Variants in SEMA4D observed in about 807,000 individuals in gnomAD.
The protein encoded by SEMA4D is semaphorin 4D, also known as semaphorin-4D.
SEMA4D carries 22 observed loss-of-function variants against 74.8 expected under a neutral mutation model. The observed-to-expected ratio is 0.29, with a 90% CI of 0.21 to 0.42. The LOEUF (loss-of-function observed/expected upper bound fraction) is 0.42, where lower values mean the gene tolerates loss of function less well. Among genes scored for constraint, SEMA4D ranks in the 10% least tolerant of loss-of-function variants. The pLI is 1.00. For missense variants in SEMA4D, 937 were observed against 1,118.4 expected (o/e 0.84, Z 2.31); for synonymous variants, 445 against 463.7 (o/e 0.96, Z 0.52).
intron 2 of SEMA4D, among the ~76,000 whole-genome samples, chr9:89,444,127 T>C (rs771518269): frequency 6.6e-6 from 1 of 152,170 alleles, no homozygotes; most frequent in African/African-American, 2.4e-5. Context: ...CCTAGACACC[T>C]TGCCTTTTAG....
chr9:89,435,397 C>T (rs762088958), intron 2 of SEMA4D, among the ~76,000 whole-genome samples: 12 of 152,308 alleles, frequency 7.9e-5, no homozygotes, highest in Non-Finnish European at 1.8e-4. Context: ...AAATTCTAGT[C>T]CGAGGACTGG....
intron 2 of SEMA4D, among the ~76,000 whole-genome samples, chr9:89,433,619 C>T (rs1175830869): frequency 2.6e-5 from 4 of 152,188 alleles, no homozygotes; most frequent in Admixed American, 2.0e-4. Context: ...GAGGGACCTC[C>T]CACCCCTGCA....
In SEMA4D at chr9:89,484,438, AGT is replaced by A. The variant is rs1281322206; in HGVS notation, c.-310+13479_-310+13480del. Reference sequence around the variant, plus strand: ...TGGTGTGTGTGGTGTGTATGTGTACAGTGTGTGTTGTGTGTGTTTTGTGTGTG... The same window carrying A: ...TGGTGTGTGTGGTGTGTATGTGTACAGTGTGTTGTGTGTGTTTTGTGTGTG... On this transcript the variant is annotated intron_variant, in intron 1 of 15. Transcript: ENST00000422704. The surrounding 1 kb of genome is among the most constrained non-coding windows in gnomAD (Gnocchi z 4.1). Among the ~76,000 whole-genome samples the A allele has an allele frequency of 2.0e-5, 3 of 147,064 alleles. No homozygotes were observed. Among genetic ancestry groups the A allele is most frequent in the Non-Finnish European group, 4.5e-5 (3 of 66,418 alleles).
chr9:89,428,822 G>C (rs756856143), intron 2 of SEMA4D, among the ~76,000 whole-genome samples: 1 of 152,212 alleles, frequency 6.6e-6, no homozygotes, highest in Non-Finnish European at 1.5e-5. Flanking sequence ...AGGGAAATAC[G>C]CAAGAAAGCA....
At chr9:89,486,466 C>T (rs550228774) in intron 1 of SEMA4D, among the ~76,000 whole-genome samples, 3 of 152,282 alleles carry the variant, frequency 2.0e-5, no homozygotes, top group Admixed American at 6.5e-5. Context: ...CAGAATGGTA[C>T]ATTTAACAGG....
chr9:89,443,912 C>T (rs543333365), intron 2 of SEMA4D, among the ~76,000 whole-genome samples: 3 of 152,268 alleles, frequency 2.0e-5, no homozygotes, highest in East Asian at 1.9e-4. Flanking sequence ...TCCTCAGGGG[C>T]CCAGAGTCAG....
chr9:89,372,191 TGG>T (rs1275458716), intron 16 of SEMA4D, among the ~76,000 whole-genome samples: 8 of 49,464 alleles, frequency 1.6e-4, no homozygotes, highest in Non-Finnish European at 3.6e-5. Flanking sequence ...GTGGTGTGTG[TGG>T]GGGGTGTGGT....
At chr9:89,371,097 TATAAGGTGTGTGTGGG>T (rs1834582047) in intron 16 of SEMA4D, among the ~76,000 whole-genome samples, 2 of 18,566 alleles carry the variant, frequency 1.1e-4, no homozygotes, top group African/African-American at 2.3e-4. Context: ...GTCTGGGGTG[TATAAGGTGTGTGTGGG>T]GGGGTGTGGT....
At chr9:89,485,242 A>G (rs1420644789) in intron 1 of SEMA4D, among the ~76,000 whole-genome samples, 2 of 152,144 alleles carry the variant, frequency 1.3e-5, no homozygotes, top group African/African-American at 4.8e-5. Context: ...CACATGATGT[A>G]TTATGCTGAC....
intron 1 of SEMA4D, among the ~76,000 whole-genome samples, chr9:89,475,157 G>A (rs545757182): frequency 1.3e-5 from 2 of 152,240 alleles, no homozygotes; most frequent in Non-Finnish European, 2.9e-5. Context: ...ACAACCTGGA[G>A]GCCATCCTGG....
chr9:89,453,100 T>C (rs1399124087), intron 2 of SEMA4D, among the ~76,000 whole-genome samples: 1 of 152,168 alleles, frequency 6.6e-6, no homozygotes, highest in East Asian at 1.9e-4. Context: ...TGGAACTGTA[T>C]CTGCTAAAAA....
At chr9:89,454,457 A>C (rs1181830818) in intron 2 of SEMA4D, among the ~76,000 whole-genome samples, 3 of 152,016 alleles carry the variant, frequency 2.0e-5, no homozygotes, top group Non-Finnish European at 4.4e-5. Context: ...TCCACACCAG[A>C]TCTAGCAGGA....
At position 89,381,064 on chromosome 9, in the gene SEMA4D, C is replaced by A. The variant is rs757127850; in HGVS notation, c.1654G>T (p.Val552Leu). 10 of 1,614,026 alleles carry A rather than the reference C, an allele frequency of 6.2e-6. No homozygotes were observed. Among genetic ancestry groups the A allele is most frequent in the Admixed American group, 5.0e-5 (3 of 60,012 alleles). Residue 552 changes from valine to leucine, a missense_variant, in exon 15 of 16, where the codon GTG (valine) becomes TTG (leucine). By Grantham distance (32) the Val-to-Leu change is conservative. Transcript: ENST00000422704. The surrounding 1 kb of genome is among the most constrained non-coding windows in gnomAD (Gnocchi z 4.6). ...LIQEMSGDAS[V>L]CPDKSKGSYR... is the part of the protein sequence containing the mutation. The stretch of plus-strand genomic sequence containing the variant: ...TCGAGGAGTCACTCACCCGGGCACA[C>A]AGAAGCATCGCCGCTCATCTCCTGA...
chr9:89,479,390 T>A (rs1298131088), intron 1 of SEMA4D, among the ~76,000 whole-genome samples: 2 of 152,240 alleles, frequency 1.3e-5, no homozygotes, highest in Non-Finnish European at 2.9e-5. Flanking sequence ...CGATTTGCTC[T>A]GAGTTCTAAC....
intron 2 of SEMA4D, among the ~76,000 whole-genome samples, chr9:89,415,919 T>A (rs545917881): frequency 6.6e-6 from 1 of 152,154 alleles, no homozygotes; most frequent in South Asian, 2.1e-4. Flanking sequence ...GGTGCTTCGG[T>A]CCCCCAGAGC....
chr9:89,469,670 T>C (rs969260536), intron 1 of SEMA4D, among the ~76,000 whole-genome samples: 2 of 152,204 alleles, frequency 1.3e-5, no homozygotes, highest in Non-Finnish European at 2.9e-5. Context: ...CACACAGGCA[T>C]ATCAATTTAT....
At chr9:89,439,507 C>T (rs1171264847) in intron 2 of SEMA4D, among the ~76,000 whole-genome samples, 1 of 152,088 alleles carries the variant, frequency 6.6e-6, no homozygotes, top group Non-Finnish European at 1.5e-5. Flanking sequence ...TTAAGAGAAA[C>T]ACTCAAACTG....
rs1851497551 is a variant in SEMA4D at position 89,440,654 on chromosome 9, T to C, written c.-244+15234A>G. Reference sequence around the variant, plus strand: ...CGGCACCTCGTGCAAGACTTATTCATGTTCCTCTGCAAACATTTCCTAACT... The same window carrying C: ...CGGCACCTCGTGCAAGACTTATTCACGTTCCTCTGCAAACATTTCCTAACT... On this transcript the variant is annotated intron_variant, in intron 2 of 15. Coordinates refer to ENST00000422704, the MANE Select transcript of SEMA4D (RefSeq NM_001371194.2). Among the ~76,000 whole-genome samples, 7 of 152,370 alleles carry C rather than the reference T, an allele frequency of 4.6e-5. No homozygotes were observed. In the South Asian group the frequency reaches 1.4e-3, roughly 32 times the overall value.
At chr9:89,363,235 C>A (rs554256722) in intron 18 of SEMA4D, among the ~76,000 whole-genome samples, 2 of 152,176 alleles carry the variant, frequency 1.3e-5, no homozygotes, top group East Asian at 3.9e-4. Flanking sequence ...GCCCCTTGAT[C>A]TCCTGCAGTC....
Sources: allele counts gnomAD v4.1 joint callset (sites outside exome capture counted in the v4.1 genomes callset), GRCh38; gene constraint gnomAD v4.1.1; non-coding constraint Gnocchi (gnomAD v3.1); transcripts MANE v1.5; gene names NCBI Gene and HGNC (gene_info 2026-07-23, HGNC 2026-07-21).